CFAP54: variants seen among roughly 807,000 people sequenced by gnomAD.
CFAP54 encodes cilia and flagella associated protein 54, also known as cilia- and flagella-associated protein 54.
A neutral mutation model predicts 370.4 loss-of-function variants in CFAP54; 290 were observed. That is an observed-to-expected ratio of 0.78 (90% confidence interval 0.71 to 0.86). The LOEUF (loss-of-function observed/expected upper bound fraction) is 0.86, where lower values mean the gene tolerates loss of function less well. Ranked by LOEUF, CFAP54 falls within the 40% of genes least tolerant of loss-of-function variation. CFAP54 has a pLI of 0.00. For missense variants in CFAP54, 3,399 were observed against 3,528.7 expected (o/e 0.96, Z 0.93); for synonymous variants, 1,206 against 1,236.5 (o/e 0.98, Z 0.52).
At chr12:96,500,779 A>G in intron 1 of CFAP54, 55 bp from the exon 2 acceptor site, 4 of 1,266,264 alleles carry the variant, frequency 3.2e-6, no homozygotes, top group Non-Finnish European at 3.3e-6. Flanking sequence ...CTTGCAAATT[A>G]ATTGGGGTTT....
intron 55 of CFAP54, among the ~76,000 whole-genome samples, chr12:96,752,152 C>A (rs1958194275): frequency 1.4e-5 from 2 of 140,276 alleles, no homozygotes; most frequent in South Asian, 4.6e-4. Context: ...GTCCATCATC[C>A]TGCCATTCAC....
intron 20 of CFAP54, among the ~76,000 whole-genome samples, chr12:96,579,861 T>A (rs988943799): frequency 1.3e-5 from 2 of 152,080 alleles, no homozygotes; most frequent in Admixed American, 1.3e-4. Context: ...ATGTTTGATT[T>A]ATGTCTAATG....
chr12:96,849,050 A>C (rs1959458919), intron 66 of CFAP54, among the ~76,000 whole-genome samples: 1 of 152,200 alleles, frequency 6.6e-6, no homozygotes, highest in Non-Finnish European at 1.5e-5. Context: ...GTCATTCATG[A>C]TATTGATTCT....
At position 96,740,021 on chromosome 12, in the gene CFAP54, T is replaced by G; in HGVS notation, c.7031T>G (p.Val2344Gly). ...QDSKLFEKKV[V>G]QDDTENPVSP... ...TCAAAACTTTTTGAAAAGAAGGTAGTACAGGATGACACAGAGAATCCTGTC... is the reference window on the plus strand; with the variant it reads ...TCAAAACTTTTTGAAAAGAAGGTAGGACAGGATGACACAGAGAATCCTGTC... Residue 2344 changes from valine (V) to glycine (G), a missense_variant, in exon 51 of 68, where the codon GTA (valine) becomes GGA (glycine). By Grantham distance (109) the Val-to-Gly change is moderately radical. This residue lies in a region of CFAP54 where 2,796 missense variants were observed against 2,869.7 expected (regional missense o/e 0.97). Transcript: ENST00000524981. The G allele has an allele frequency of 6.2e-7, 1 of 1,607,736 alleles. No individual in the cohort carries two copies. Among genetic ancestry groups the G allele is most frequent in the Non-Finnish European group, 8.5e-7 (1 of 1,175,562 alleles).
chr12:96,716,098 C>T (rs980717501), intron 48 of CFAP54, among the ~76,000 whole-genome samples: 1 of 152,172 alleles, frequency 6.6e-6, no homozygotes, highest in Non-Finnish European at 1.5e-5. Flanking sequence ...TATTAGTTTT[C>T]CCTTAGCATG....
At chr12:96,589,672 A>G (rs1956106826) in intron 23 of CFAP54, 109 bp downstream of exon 23, 8 of 40,112 alleles carry the variant, frequency 2.0e-4, no homozygotes, top group East Asian at 8.0e-4. Context: ...TCCATATACA[A>G]TCATCATTTC....
chr12:96,865,317 T>TATATCAATCTGG (rs1273014383), intron 67 of CFAP54, among the ~76,000 whole-genome samples: 1 of 152,208 alleles, frequency 6.6e-6, no homozygotes, highest in African/African-American at 2.4e-5. Context: ...AACAGAGATA[T>TATATCAATCTGG]ATATCAATCT....
intron 58 of CFAP54, among the ~76,000 whole-genome samples, chr12:96,763,604 C>A (rs1405523728): frequency 6.6e-6 from 1 of 151,960 alleles, no homozygotes; most frequent in African/African-American, 2.4e-5. Flanking sequence ...CATGGTGACA[C>A]CTTGTTTCTA....
chr12:96,512,588 G>A (rs1284529792), intron 4 of CFAP54, among the ~76,000 whole-genome samples: 2 of 151,726 alleles, frequency 1.3e-5, no homozygotes, highest in African/African-American at 2.4e-5. Flanking sequence ...TGATCCTCCC[G>A]CCTCAGGCTC....
At chr12:96,811,040 C>T (rs1958923736) in intron 63 of CFAP54, among the ~76,000 whole-genome samples, 1 of 152,102 alleles carries the variant, frequency 6.6e-6, no homozygotes, top group African/African-American at 2.4e-5. Context: ...GGGCTCTGTT[C>T]TCTGAGCCTC....
chr12:96,850,814 G>C (rs1022399229), intron 66 of CFAP54, among the ~76,000 whole-genome samples: 4 of 152,128 alleles, frequency 2.6e-5, no homozygotes, highest in African/African-American at 9.7e-5. Context: ...GAGCAAGCAG[G>C]GGAAATGCCA....
At chr12:96,599,293 A>G (rs1388678617) in intron 26 of CFAP54, among the ~76,000 whole-genome samples, 1 of 152,000 alleles carries the variant, frequency 6.6e-6, no homozygotes, top group Non-Finnish European at 1.5e-5. Context: ...TTTGCTGAGA[A>G]TGATGGTTTC....
chr12:96,619,564 T>C (rs1485878505), intron 26 of CFAP54, among the ~76,000 whole-genome samples: 1 of 152,262 alleles, frequency 6.6e-6, no homozygotes, highest in African/African-American at 2.4e-5. Flanking sequence ...ATGCTAAACA[T>C]CTGGCATACT....
At chr12:96,614,706 C>T (rs569657403) in intron 26 of CFAP54, among the ~76,000 whole-genome samples, 1 of 152,138 alleles carries the variant, frequency 6.6e-6, no homozygotes, top group Non-Finnish European at 1.5e-5. Flanking sequence ...CACAAGTATT[C>T]TTATACACCA....
intron 42 of CFAP54, among the ~76,000 whole-genome samples, chr12:96,688,606 T>TAA (rs1392155784): frequency 6.6e-6 from 1 of 152,204 alleles, no homozygotes; most frequent in Non-Finnish European, 1.5e-5. Flanking sequence ...AATTTGTTTA[T>TAA]AAAGTAGTAT....
At chr12:96,521,552 G>GCGCA (rs1491373360) in intron 6 of CFAP54, among the ~76,000 whole-genome samples, 14 of 141,418 alleles carry the variant, frequency 9.9e-5, no homozygotes, top group African/African-American at 3.7e-4. Flanking sequence ...GTGTGTGCGC[G>GCGCA]TGCGCACATG....
intron 19 of CFAP54, among the ~76,000 whole-genome samples, chr12:96,565,760 A>G (rs1766027284): frequency 1.3e-5 from 2 of 152,176 alleles, no homozygotes; most frequent in Non-Finnish European, 2.9e-5. Context: ...GGAAGGAGGA[A>G]CAGACAGATG....
intron 1 of CFAP54, among the ~76,000 whole-genome samples, chr12:96,498,178 C>T (rs1954980024): frequency 6.6e-6 from 1 of 151,976 alleles, no homozygotes; most frequent in African/African-American, 2.4e-5. Flanking sequence ...AACCCCTTTT[C>T]TGGCAACAAA....
chr12:96,742,967 C>A (rs1466638407), intron 52 of CFAP54, among the ~76,000 whole-genome samples: 2 of 152,152 alleles, frequency 1.3e-5, no homozygotes, highest in Non-Finnish European at 2.9e-5. Context: ...TCTCTTAAAT[C>A]CCCCTTACTC....
Sources: allele counts gnomAD v4.1 joint callset (sites outside exome capture counted in the v4.1 genomes callset), GRCh38; gene constraint gnomAD v4.1.1; regional missense constraint gnomAD v4.1.1; transcripts MANE v1.5; gene names NCBI Gene and HGNC (gene_info 2026-07-23, HGNC 2026-07-21).